Variants in DDC observed in about 807,000 individuals in gnomAD.
The protein encoded by DDC is aromatic-L-amino-acid decarboxylase.
In DDC, 43 loss-of-function variants were observed where a neutral mutation model predicts 60.0. The ratio of observed to expected loss-of-function variants is 0.72; its 90% confidence interval spans 0.56 to 0.92. The LOEUF (loss-of-function observed/expected upper bound fraction) is 0.92, where lower values mean the gene tolerates loss of function less well. Among genes scored for constraint, DDC ranks in the 40% least tolerant of loss-of-function variants. DDC has a pLI of 0.00. For synonymous variants in DDC, 232 were observed against 234.6 expected, an observed-to-expected ratio of 0.99 and a Z score of 0.10; for missense variants, 573 against 620.2, an observed-to-expected ratio of 0.92 and a Z score of 0.81.
At chr7:50,559,961 C>T (rs568551765) in intron 1 of DDC, among the ~76,000 whole-genome samples, 149 of 152,252 alleles carry the variant, frequency 9.8e-4, no homozygotes, top group Non-Finnish European at 1.5e-3. Flanking sequence ...TGTGTGTAGA[C>T]GCCCACCTAG....
At chr7:50,509,035 G>A (rs866662853) in intron 6 of DDC, among the ~76,000 whole-genome samples, 1 of 152,020 alleles carries the variant, frequency 6.6e-6, no homozygotes, top group Non-Finnish European at 1.5e-5. Context: ...TCCCCTCTAG[G>A]AAGTTTATTT....
chr7:50,542,798 C>G (rs2044676735), intron 2 of DDC: 3 of 152,262 alleles, frequency 2.0e-5, no homozygotes, highest in African/African-American at 2.4e-5. Context: ...AAGTGAGAAT[C>G]CCCTGGAAGA....
Position 50,492,812 on chromosome 7 carries a change from G to A in DDC, c.944+2538C>T, listed in dbSNP as rs2043029557. ...GTGGCTGAACTGAACCCCGAGCGCC[G>A]GGGAAGAGTTGTCCGGGAGAGATGA... is the stretch of plus-strand genomic sequence containing the variant. On this transcript the variant is annotated intron_variant, in intron 9 of 14. Coordinates refer to ENST00000444124, the MANE Select transcript of DDC (RefSeq NM_001082971.2). The A allele has an allele frequency of 8.7e-6, 13 of 1,495,958 alleles. No homozygotes were observed. In the South Asian group the frequency reaches 1.0e-4, roughly 12 times the overall value. 92.7% of individuals were successfully genotyped at this position (1,495,958 alleles called of 1,614,324 possible). A position where few individuals can be genotyped will look rare whatever the true frequency, so the allele number is the denominator to read the frequency against.
At chr7:50,532,188 C>T (rs76975759) in intron 4 of DDC, among the ~76,000 whole-genome samples, 15,212 of 152,182 alleles carry the variant, frequency 0.1, 807 homozygotes, top group Non-Finnish European at 0.12. Context: ...GGGGCCTCAC[C>T]AATTACAGAC....
At chr7:50,494,731 G>T (rs552300732) in intron 9 of DDC, among the ~76,000 whole-genome samples, 4 of 151,684 alleles carry the variant, frequency 2.6e-5, no homozygotes, top group African/African-American at 9.7e-5. Context: ...GCATGATCTC[G>T]GCTCACTGCA....
In DDC at chr7:50,463,423, G is replaced by A; in HGVS notation, c.1251C>T (p.Asn417=). ...TTTGCAGAAGAGCTTCATTCACTTT[G>A]TTGGAACCCTGGAGGGATTGAAAGA... ...GLVCFRLKGS[N]KVNEALLQRI... is the part of the protein sequence containing the mutation. The change falls in exon 14 of 15, where the codon AAC becomes AAT. Residue 417 remains asparagine, a synonymous_variant. Transcript: ENST00000444124. The A allele has an allele frequency of 6.2e-7, 1 of 1,614,054 alleles. No individual in the cohort carries two copies. The highest frequency in any genetic ancestry group is 8.5e-7 in the Non-Finnish European group (1 of 1,179,928).
At chr7:50,475,279 T>C (rs990080720) in intron 11 of DDC, among the ~76,000 whole-genome samples, 5 of 152,224 alleles carry the variant, frequency 3.3e-5, no homozygotes, top group African/African-American at 1.2e-4. Flanking sequence ...TATTGTCATA[T>C]TTTCCCTTCA....
chr7:50,522,475 AAC>A (rs1180310875), intron 6 of DDC, among the ~76,000 whole-genome samples: 1 of 152,224 alleles, frequency 6.6e-6, no homozygotes, highest in African/African-American at 2.4e-5. Context: ...AATATTAAAC[AAC>A]AGTGTTTGAG....
At chr7:50,504,698 T>G (rs1259791557) in intron 6 of DDC, among the ~76,000 whole-genome samples, 6 of 150,468 alleles carry the variant, frequency 4.0e-5, no homozygotes, top group African/African-American at 1.2e-4. Context: ...TTTGGGGGGG[T>G]GTGTGTGTGT....
intron 6 of DDC, among the ~76,000 whole-genome samples, chr7:50,518,211 C>CAAA (rs58099021): frequency 0.019 from 2,343 of 125,532 alleles, 86 homozygotes; most frequent in African/African-American, 0.068. Flanking sequence ...GACTCCATCT[C>CAAA]AAAAAAAAAA....
At chr7:50,462,136 G>A (rs868641541) in intron 14 of DDC, among the ~76,000 whole-genome samples, 2 of 144,910 alleles carry the variant, frequency 1.4e-5, no homozygotes, top group Admixed American at 7.4e-5. Flanking sequence ...TATAATGAAC[G>A]AGCCATTGCA....
intron 1 of DDC, among the ~76,000 whole-genome samples, chr7:50,551,270 G>A (rs151309026): frequency 9.1e-5 from 13 of 142,648 alleles, no homozygotes; most frequent in South Asian, 2.2e-4. Context: ...TCACTCTGTC[G>A]CCTAGGCTGG....
intron 11 of DDC, among the ~76,000 whole-genome samples, chr7:50,471,220 T>C (rs2042523245): frequency 6.6e-6 from 1 of 151,986 alleles, no homozygotes; most frequent in Non-Finnish European, 1.5e-5. Context: ...GATGAAACCC[T>C]CTCTCTACTA....
At chr7:50,546,262 A>G (rs1322786497) in intron 1 of DDC, among the ~76,000 whole-genome samples, 1 of 152,188 alleles carries the variant, frequency 6.6e-6, no homozygotes, top group Non-Finnish European at 1.5e-5. Flanking sequence ...GCACTTGTTA[A>G]AAGTGACAAG....
At chr7:50,513,285 G>C (rs760731351) in intron 6 of DDC, among the ~76,000 whole-genome samples, 1 of 152,154 alleles carries the variant, frequency 6.6e-6, no homozygotes, top group Non-Finnish European at 1.5e-5. Context: ...TTAGACAGTC[G>C]AGCAAAATAC....
chr7:50,513,073 C>T (rs1222101452), intron 6 of DDC, among the ~76,000 whole-genome samples: 1 of 152,138 alleles, frequency 6.6e-6, no homozygotes, highest in South Asian at 2.1e-4. Flanking sequence ...AAGAACAAAC[C>T]AGCAATCCCG....
intron 14 of DDC, among the ~76,000 whole-genome samples, chr7:50,462,426 C>G (rs2042298439): frequency 6.6e-6 from 1 of 152,150 alleles, no homozygotes; most frequent in Non-Finnish European, 1.5e-5. Flanking sequence ...TAACTGCATG[C>G]TGTCTCCAGG....
At chr7:50,553,452 G>A (rs1387899302) in intron 1 of DDC, among the ~76,000 whole-genome samples, 2 of 147,486 alleles carry the variant, frequency 1.4e-5, no homozygotes, top group Non-Finnish European at 3.0e-5. Context: ...TGGATTAGCT[G>A]CTTTCTTTTT....
chr7:50,474,036 G>A (rs909199226), intron 11 of DDC, among the ~76,000 whole-genome samples: 3 of 152,204 alleles, frequency 2.0e-5, no homozygotes, highest in African/African-American at 4.8e-5. Flanking sequence ...CCTTGAGATG[G>A]GGTGAAAGAG....
Sources: gnomAD v4.1 joint callset for allele counts (sites outside exome capture counted in the v4.1 genomes callset) on GRCh38, gnomAD v4.1.1 for gene constraint, MANE v1.5 for transcripts, NCBI Gene and HGNC (gene_info 2026-07-23, HGNC 2026-07-21) for gene names.